The following ZBTB16 variants were observed in gnomAD, a reference collection of about 807,000 sequenced individuals.
ZBTB16 encodes zinc finger and BTB domain containing 16.
Under a neutral mutation model 56.8 loss-of-function variants are expected in ZBTB16, and 8 were observed. That is an observed-to-expected ratio of 0.14 (90% CI 0.08 to 0.25). The LOEUF (loss-of-function observed/expected upper bound fraction) is 0.25, where lower values mean the gene tolerates loss of function less well. ZBTB16 is among the 10% of genes least tolerant of loss of function. The pLI is 1.00. For synonymous variants in ZBTB16, 363 were observed against 368.5 expected, an observed-to-expected ratio of 0.98 and a Z score of 0.17; for missense variants, 625 against 903.0, an observed-to-expected ratio of 0.69 and a Z score of 3.95.
chr11:114,098,119 CTTTG>C (rs1411358296), intron 2 of ZBTB16, among the ~76,000 whole-genome samples: 2 of 152,166 alleles, frequency 1.3e-5, no homozygotes, highest in Non-Finnish European at 2.9e-5. Flanking sequence ...TTCCCTTCCT[CTTTG>C]TTTGGTTTTT....
chr11:114,231,920 C>G (rs574731240), intron 4 of ZBTB16, among the ~76,000 whole-genome samples: 1 of 152,264 alleles, frequency 6.6e-6, no homozygotes, highest in South Asian at 2.1e-4. Flanking sequence ...GTTGAGGAAA[C>G]TGAGGCCCAG....
intron 4 of ZBTB16, among the ~76,000 whole-genome samples, chr11:114,224,127 T>C (rs1156605080): frequency 6.6e-6 from 1 of 152,240 alleles, no homozygotes; most frequent in East Asian, 1.9e-4. Flanking sequence ...TTACTTTGAC[T>C]ACTTGGTTTT....
At position 114,252,127 on chromosome 11, in the gene ZBTB16, G is replaced by A. The variant is rs1301986411; in HGVS notation, c.*1572G>A. On this transcript the variant is annotated 3_prime_UTR_variant, in exon 7 of 7. Coordinates refer to ENST00000335953, the MANE Select transcript of ZBTB16 (RefSeq NM_006006.6). ...AGGGCGAAGAGCGTGGGTGGGGAGG[G>A]GATGTTGCTTTGGGGTCTCATGGTC... Among the ~76,000 whole-genome samples, 3 of 151,978 alleles carry A rather than the reference G, an allele frequency of 2.0e-5. No individual in the cohort carries two copies. The highest frequency in any genetic ancestry group is 7.3e-5 in the African/African-American group (3 of 41,350).
chr11:114,210,099 C>T, intron 4 of ZBTB16: 1 of 295,768 alleles, frequency 3.4e-6, no homozygotes, highest in South Asian at 1.3e-4. Flanking sequence ...GTGTACTCTG[C>T]ACTCTGTGAA....
At chr11:114,175,600 G>A (rs1943089340) in intron 3 of ZBTB16, among the ~76,000 whole-genome samples, 1 of 151,946 alleles carries the variant, frequency 6.6e-6, no homozygotes, top group Non-Finnish European at 1.5e-5. Flanking sequence ...GGAGAGGACA[G>A]GGGATTCTGA....
At chr11:114,167,052 G>C (rs913198594) in intron 3 of ZBTB16, among the ~76,000 whole-genome samples, 1 of 152,100 alleles carries the variant, frequency 6.6e-6, no homozygotes, top group African/African-American at 2.4e-5. Context: ...TGTGGGCAAA[G>C]GAAGAAAACA....
intron 4 of ZBTB16, among the ~76,000 whole-genome samples, chr11:114,219,045 C>T (rs372286503): frequency 1.6e-4 from 24 of 152,068 alleles, no homozygotes; most frequent in East Asian, 1.2e-3. Context: ...TGCGTGTGCA[C>T]GCCCATGTGC....
At chr11:114,208,670 T>G (rs546351567) in intron 4 of ZBTB16, among the ~76,000 whole-genome samples, 45 of 152,318 alleles carry the variant, frequency 3.0e-4, no homozygotes, top group African/African-American at 1.0e-3. Context: ...CTGGGCCCTT[T>G]TCTTCCGTTG....
chr11:114,156,666 G>C (rs1053942028), intron 3 of ZBTB16, among the ~76,000 whole-genome samples: 1 of 152,314 alleles, frequency 6.6e-6, no homozygotes, highest in South Asian at 2.1e-4. Context: ...CCAGGCATCA[G>C]TGGCAACCAG....
intron 3 of ZBTB16, among the ~76,000 whole-genome samples, chr11:114,182,291 C>T (rs1204172257): frequency 6.6e-6 from 1 of 152,192 alleles, no homozygotes; most frequent in Non-Finnish European, 1.5e-5. Flanking sequence ...CTCAAGTGAT[C>T]TACCCATCCC....
intron 4 of ZBTB16, among the ~76,000 whole-genome samples, chr11:114,228,908 C>T (rs925449345): frequency 1.4e-4 from 21 of 152,300 alleles, no homozygotes; most frequent in African/African-American, 5.1e-4. Flanking sequence ...GCCTGGCGGG[C>T]GCCCTGGTGT....
intron 4 of ZBTB16, among the ~76,000 whole-genome samples, chr11:114,206,065 G>A (rs1943864590): frequency 6.6e-6 from 1 of 152,156 alleles, no homozygotes; most frequent in South Asian, 2.1e-4. Flanking sequence ...GCTCCTGGAT[G>A]TCAAGAGGGA....
rs1369514528 is a variant in ZBTB16 at position 114,148,336 on chromosome 11, G to GCTGGCTTGCTTGCTTCCTTCCTTCCTTC, written c.1269-7999_1269-7998insGGCTTGCTTGCTTCCTTCCTTCCTTCCT. Among the ~76,000 whole-genome samples, 10 of 52,600 alleles carry GCTGGCTTGCTTGCTTCCTTCCTTCCTTC rather than the reference G, an allele frequency of 1.9e-4. 1 individual carries two copies. The highest frequency in any genetic ancestry group is 3.6e-4 in the Non-Finnish European group (9 of 24,914). The allele number at this position is 52,600 out of a possible 152,430, so 34.5% of individuals were successfully genotyped here. ...GATGCATAGGATGCATGGCTGGCTG[G>GCTGGCTTGCTTGCTTCCTTCCTTCCTTC]CTTCCTTCCTTCCTTCCTTCCTTCC... On this transcript the variant is annotated intron_variant, in intron 2 of 6. Transcript: ENST00000335953.
chr11:114,161,566 A>G (rs1364028493), intron 3 of ZBTB16, among the ~76,000 whole-genome samples: 4 of 152,198 alleles, frequency 2.6e-5, no homozygotes, highest in African/African-American at 7.2e-5. Flanking sequence ...GGGTAACAGA[A>G]CAGCATTTTG....
At chr11:114,138,726 G>A (rs778966502) in intron 2 of ZBTB16, among the ~76,000 whole-genome samples, 4 of 150,894 alleles carry the variant, frequency 2.7e-5, no homozygotes, top group South Asian at 2.1e-4. Flanking sequence ...AGTCTTGCTC[G>A]GTTGCCCAGG....
At chr11:114,183,514 G>A (rs968477449) in intron 3 of ZBTB16, among the ~76,000 whole-genome samples, 4 of 152,168 alleles carry the variant, frequency 2.6e-5, no homozygotes, top group African/African-American at 7.2e-5. Flanking sequence ...AACCCTCCGC[G>A]CCACATCCCT....
At chr11:114,149,665 C>G (rs1942236027) in intron 2 of ZBTB16, among the ~76,000 whole-genome samples, 1 of 152,166 alleles carries the variant, frequency 6.6e-6, no homozygotes, top group South Asian at 2.1e-4. Flanking sequence ...GCAACGAACT[C>G]TATTGCTAGA....
chr11:114,099,284 A>AT (rs562225493), intron 2 of ZBTB16, among the ~76,000 whole-genome samples: 5 of 152,114 alleles, frequency 3.3e-5, no homozygotes, highest in Non-Finnish European at 7.4e-5. Flanking sequence ...ACAGCCTGTG[A>AT]TTTTTTCCCC....
chr11:114,096,699 A>G (rs888798315), intron 2 of ZBTB16, among the ~76,000 whole-genome samples: 3 of 152,164 alleles, frequency 2.0e-5, no homozygotes, highest in African/African-American at 4.8e-5. Flanking sequence ...CCCCCATCAA[A>G]TGAGGAAACT....
Sources: allele counts gnomAD v4.1 joint callset (sites outside exome capture counted in the v4.1 genomes callset), GRCh38; gene constraint gnomAD v4.1.1; transcripts MANE v1.5; gene names NCBI Gene and HGNC (gene_info 2026-07-23, HGNC 2026-07-21).